The following RAD18 variants were observed in gnomAD, a reference collection of about 807,000 sequenced individuals.
RAD18 encodes E3 ubiquitin-protein ligase RAD18.
RAD18 carries 47 observed loss-of-function variants against 60.4 expected under a neutral mutation model. The ratio of observed to expected loss-of-function variants is 0.78; its 90% CI spans 0.62 to 0.99. The LOEUF (loss-of-function observed/expected upper bound fraction) is 0.99, where lower values mean the gene tolerates loss of function less well. Among genes scored for constraint, RAD18 ranks in the 50% least tolerant of loss-of-function variants. The pLI is 0.00. For synonymous variants in RAD18, 225 were observed against 195.5 expected (o/e 1.15, Z -1.26); for missense variants, 640 against 593.3 (o/e 1.08, Z -0.82).
At chr3:8,922,103 A>T (rs579898) in intron 7 of RAD18, among the ~76,000 whole-genome samples, 104,276 of 151,652 alleles carry the variant, frequency 0.69, 36,412 homozygotes, top group Middle Eastern at 0.77. Flanking sequence ...GGACAGTGGG[A>T]GCGGTGCACC....
rs142431837 is a variant in RAD18, at chr3:8,920,541, G to A, written c.890-6821C>T. ...TCTGCAGACTTCTTATTAGTAGCAA[G>A]GCAGCGGATGTAAAGTATAAACCAG... On this transcript the variant is annotated intron_variant, in intron 7 of 12. Transcript: ENST00000264926. 2.6e-5 allele frequency among the ~76,000 whole-genome samples: 4 copies of A among 152,308 alleles called. No homozygotes were observed. In the East Asian group the frequency reaches 7.7e-4, roughly 29 times the overall value.
chr3:8,912,458 G>T, intron 8 of RAD18, 86 bp from the exon 9 acceptor site: 1 of 936,274 alleles, frequency 1.1e-6, no homozygotes, highest in South Asian at 1.7e-5. Context: ...TCTCAAATGT[G>T]AGTGTTTAAA....
chr3:8,934,315 G>T (rs777762750), intron 7 of RAD18, among the ~76,000 whole-genome samples: 15 of 152,190 alleles, frequency 9.9e-5, no homozygotes, highest in African/African-American at 1.4e-4. Context: ...ATGCCATTAA[G>T]AGAGTGAAAA....
At chr3:8,889,228 G>C (rs1486132961) in intron 12 of RAD18, among the ~76,000 whole-genome samples, 1 of 152,134 alleles carries the variant, frequency 6.6e-6, no homozygotes, top group East Asian at 1.9e-4. Flanking sequence ...ATGGTTGAGG[G>C]TGCTGACTTT....
chr3:8,949,516 A>G (rs1019545795), intron 2 of RAD18, among the ~76,000 whole-genome samples: 6 of 152,314 alleles, frequency 3.9e-5, no homozygotes, highest in Admixed American at 6.5e-5. Context: ...AGCAAAGATG[A>G]ATACAGGGGA....
chr3:8,893,120 C>T (rs979757792), intron 11 of RAD18, among the ~76,000 whole-genome samples: 2 of 152,090 alleles, frequency 1.3e-5, no homozygotes, highest in African/African-American at 2.4e-5. Context: ...CCAATTTGCC[C>T]GAGAAAACCT....
At chr3:8,906,694 A>G (rs1035513065) in intron 9 of RAD18, among the ~76,000 whole-genome samples, 9 of 89,884 alleles carry the variant, frequency 1.0e-4, no homozygotes, top group African/African-American at 2.3e-4. Context: ...CTCGTTTTCT[A>G]GATTTTTTTT....
At chr3:8,882,062 G>A (rs1282062343) in intron 12 of RAD18, among the ~76,000 whole-genome samples, 1 of 152,180 alleles carries the variant, frequency 6.6e-6, no homozygotes, top group Non-Finnish European at 1.5e-5. Context: ...CCTCCGTCAG[G>A]TGCTCACAAG....
Position 8,958,971 on chromosome 3 carries a change from A to C in RAD18, c.82T>G (p.Cys28Gly). ...TIDDLLRCGI[C>G]FEYFNIAMII... ...ATTGCAATGTTGAAATACTCGAAGC[A>C]AATTCCACACCGCAGCAAATCATCT... is the stretch of plus-strand genomic sequence containing the variant. The change falls in exon 2 of 13, where the codon TGC (cysteine) becomes GGC (glycine). Residue 28 changes from cysteine (C) to glycine (G), a missense_variant. Coordinates refer to ENST00000264926, the MANE Select transcript of RAD18 (RefSeq NM_020165.4). The C allele has an allele frequency of 6.2e-7, 1 of 1,613,878 alleles. No homozygotes were observed. Among genetic ancestry groups the C allele is most frequent in the East Asian group, 2.2e-5 (1 of 44,844 alleles).
intron 12 of RAD18, among the ~76,000 whole-genome samples, chr3:8,885,286 T>C (rs1464599130): frequency 1.3e-5 from 2 of 152,228 alleles, no homozygotes; most frequent in Non-Finnish European, 2.9e-5. Flanking sequence ...ATTCACTGTT[T>C]TCTTGCTGCA....
At chr3:8,939,740 G>A (rs1032227603) in intron 5 of RAD18, 87 bp from the exon 6 acceptor site, 13 of 1,130,468 alleles carry the variant, frequency 1.1e-5, no homozygotes, top group African/African-American at 1.6e-5. Flanking sequence ...AGCAAGTAAA[G>A]TAAAAAAGAA....
intron 7 of RAD18, among the ~76,000 whole-genome samples, chr3:8,916,807 A>G (rs1325891535): frequency 1.3e-5 from 2 of 152,146 alleles, no homozygotes; most frequent in Non-Finnish European, 2.9e-5. Flanking sequence ...AGAGAAAAAA[A>G]GGAAAAAGAA....
At chr3:8,918,160 A>C (rs554363258) in intron 7 of RAD18, among the ~76,000 whole-genome samples, 1 of 152,142 alleles carries the variant, frequency 6.6e-6, no homozygotes, top group Non-Finnish European at 1.5e-5. Flanking sequence ...CCTACTGAAA[A>C]TACAAAAATT....
intron 9 of RAD18, among the ~76,000 whole-genome samples, chr3:8,904,759 A>T (rs1052827797): frequency 2.6e-5 from 4 of 152,244 alleles, no homozygotes; most frequent in Admixed American, 1.3e-4. Context: ...GTACTATGGG[A>T]TCTACATAAT....
intron 11 of RAD18, among the ~76,000 whole-genome samples, chr3:8,895,078 G>T (rs751453689): frequency 5.3e-5 from 8 of 151,642 alleles, no homozygotes; most frequent in Admixed American, 2.6e-4. Flanking sequence ...AAATGGAAAA[G>T]ATACTGAAGA....
At chr3:8,905,447 C>A (rs1191401891) in intron 9 of RAD18, among the ~76,000 whole-genome samples, 1 of 152,186 alleles carries the variant, frequency 6.6e-6, no homozygotes, top group African/African-American at 2.4e-5. Flanking sequence ...AACAGGCTCT[C>A]TCAAGAGTAG....
intron 7 of RAD18, among the ~76,000 whole-genome samples, chr3:8,927,390 C>T (rs1325518114): frequency 6.6e-6 from 1 of 152,128 alleles, no homozygotes; most frequent in Admixed American, 6.5e-5. Flanking sequence ...GAATGGCAGT[C>T]ATTAAAAAGT....
chr3:8,940,700 T>C (rs1328748418), intron 5 of RAD18, among the ~76,000 whole-genome samples: 1 of 152,170 alleles, frequency 6.6e-6, no homozygotes, highest in Non-Finnish European at 1.5e-5. Flanking sequence ...AGAAAACAAG[T>C]GCTATAGCAC....
At chr3:8,891,016 CTGTT>C (rs1036550034) in intron 11 of RAD18, among the ~76,000 whole-genome samples, 11 of 151,564 alleles carry the variant, frequency 7.3e-5, no homozygotes, top group African/African-American at 2.7e-4. Flanking sequence ...AATATGATGT[CTGTT>C]TGTTCATGTG....
Sources: gnomAD v4.1 joint callset for allele counts (sites outside exome capture counted in the v4.1 genomes callset) on GRCh38, gnomAD v4.1.1 for gene constraint, MANE v1.5 for transcripts, NCBI Gene and HGNC (gene_info 2026-07-23, HGNC 2026-07-21) for gene names.